GRM5: variants seen among roughly 807,000 people sequenced by gnomAD.
GRM5 encodes glutamate metabotropic receptor 5.
GRM5 carries 19 observed loss-of-function variants against 83.1 expected under a neutral mutation model. That is an observed-to-expected ratio of 0.23 (90% confidence interval 0.16 to 0.34). The LOEUF is 0.34. Among genes scored for constraint, GRM5 ranks in the 10% least tolerant of loss-of-function variants. The probability of loss-of-function intolerance (pLI) is 1.00; values close to 1 mark genes in which losing one functional copy is unlikely to be tolerated. For missense variants in GRM5, 1,160 were observed against 1,588.3 expected, an observed-to-expected ratio of 0.73 and a Z score of 4.58; for synonymous variants, 675 against 633.6, an observed-to-expected ratio of 1.07 and a Z score of -0.98.
chr11:88,578,204 C>A (rs557000643), intron 7 of GRM5, among the ~76,000 whole-genome samples: 1 of 152,126 alleles, frequency 6.6e-6, no homozygotes, highest in Non-Finnish European at 1.5e-5. Context: ...TTTTTCATCA[C>A]CTCAATTAAT....
At chr11:88,934,100 A>C (rs573934597) in intron 2 of GRM5, among the ~76,000 whole-genome samples, 15 of 151,852 alleles carry the variant, frequency 9.9e-5, no homozygotes, top group Non-Finnish European at 2.1e-4. Context: ...TTCATTTCAC[A>C]CTGCCACACA....
rs77572262 is a variant in GRM5, at chr11:88,525,372, G to A, written c.2663C>T (p.Ser888Leu). ...YKDRRLAQHK[S>L]EIECFTPKGS... ...TTTGGGGGTGAAACACTCTATTTCCGACTTGTGCTGGGCCAGTCTCCTGTC... is the reference window on the plus strand; with the variant it reads ...TTTGGGGGTGAAACACTCTATTTCCAACTTGTGCTGGGCCAGTCTCCTGTC... Residue 888 changes from serine (S) to leucine (L), a missense_variant, in exon 9 of 10, where the codon TCG becomes TTG. Transcript: ENST00000305447. The A allele has an allele frequency of 2.0e-4, 322 of 1,611,620 alleles. No individual in the cohort carries two copies. Among genetic ancestry groups the A allele is most frequent in the Non-Finnish European group, 2.3e-4 (276 of 1,177,954 alleles).
intron 3 of GRM5, among the ~76,000 whole-genome samples, chr11:88,809,618 A>G (rs576613374): frequency 6.6e-6 from 1 of 152,206 alleles, no homozygotes; most frequent in African/African-American, 2.4e-5. Context: ...TGGTAAAGAT[A>G]ATAAACATAC....
At chr11:88,599,465 G>T (rs1010436103) in intron 5 of GRM5, among the ~76,000 whole-genome samples, 1 of 152,134 alleles carries the variant, frequency 6.6e-6, no homozygotes, top group Non-Finnish European at 1.5e-5. Flanking sequence ...TAAAAATCTT[G>T]TTTTAGTACA....
At chr11:89,016,977 C>A (rs939087590) in intron 2 of GRM5, among the ~76,000 whole-genome samples, 2 of 152,104 alleles carry the variant, frequency 1.3e-5, no homozygotes, top group Non-Finnish European at 2.9e-5. Flanking sequence ...CTACCAAATA[C>A]AGGTAGCAAG....
intron 2 of GRM5, among the ~76,000 whole-genome samples, chr11:89,014,687 G>T (rs980902690): frequency 4.7e-4 from 71 of 152,150 alleles, no homozygotes; most frequent in African/African-American, 1.7e-3. Context: ...CAATTGGATT[G>T]TTTGTAACTC....
At chr11:88,860,542 A>C (rs902201115) in intron 2 of GRM5, among the ~76,000 whole-genome samples, 2 of 152,170 alleles carry the variant, frequency 1.3e-5, no homozygotes, top group Non-Finnish European at 1.5e-5. Context: ...CACCAGCTGA[A>C]GGCAGAAAAT....
At chr11:88,801,071 G>A (rs1943384535) in intron 3 of GRM5, among the ~76,000 whole-genome samples, 2 of 152,004 alleles carry the variant, frequency 1.3e-5, no homozygotes, top group South Asian at 4.2e-4. Context: ...ATTGTACTGG[G>A]GTAATGACAG....
intron 2 of GRM5, among the ~76,000 whole-genome samples, chr11:88,879,648 T>G (rs1346245051): frequency 6.6e-6 from 1 of 152,044 alleles, no homozygotes; most frequent in Admixed American, 6.6e-5. Flanking sequence ...CACCTTTCTG[T>G]ATTTATATGA....
At chr11:88,515,683 C>T (rs1941501348) in intron 9 of GRM5, among the ~76,000 whole-genome samples, 1 of 152,198 alleles carries the variant, frequency 6.6e-6, no homozygotes, top group Admixed American at 6.5e-5. Flanking sequence ...GATGTTTTAA[C>T]AGCGATTAGC....
At position 88,508,416 on chromosome 11, in the gene GRM5, T is replaced by C. The variant is rs201050093; in HGVS notation, c.*176A>G. On this transcript the variant is annotated 3_prime_UTR_variant, in exon 10 of 10. Transcript: ENST00000305447. The surrounding 1 kb of genome is among the most constrained non-coding windows in gnomAD (Gnocchi z 4.2). ...AGAAAATCTGCCAAAAGATTTGTCG[T>C]CGGTTTCTTCGTCGGTTGTCATGAG... is the stretch of plus-strand genomic sequence containing the variant. 18 of 494,720 alleles carry C rather than the reference T, an allele frequency of 3.6e-5. No individual in the cohort carries two copies. The highest frequency in any genetic ancestry group is 5.3e-5 in the Non-Finnish European group (15 of 284,520). 30.6% of individuals were successfully genotyped at this position (494,720 alleles called of 1,614,324 possible).
intron 3 of GRM5, among the ~76,000 whole-genome samples, chr11:88,796,615 A>G (rs751934584): frequency 1.2e-4 from 19 of 152,150 alleles, no homozygotes; most frequent in Non-Finnish European, 2.4e-4. Context: ...AAGTGCCATG[A>G]TATTTTCATG....
chr11:88,801,927 G>A (rs1459583571), intron 3 of GRM5, among the ~76,000 whole-genome samples: 1 of 152,002 alleles, frequency 6.6e-6, no homozygotes, highest in Non-Finnish European at 1.5e-5. Context: ...CCCTTTTCTG[G>A]TTACACCCAT....
intron 8 of GRM5, among the ~76,000 whole-genome samples, chr11:88,548,780 G>A (rs1399523176): frequency 6.6e-6 from 1 of 152,126 alleles, no homozygotes; most frequent in East Asian, 1.9e-4. Context: ...TTATTCTCTT[G>A]GAAAATGAAC....
chr11:88,795,507 C>G (rs1407584216), intron 3 of GRM5, among the ~76,000 whole-genome samples: 1 of 152,160 alleles, frequency 6.6e-6, no homozygotes, highest in African/African-American at 2.4e-5. Flanking sequence ...GAAAGGATTG[C>G]TTTCCATTTG....
At chr11:88,795,419 A>G (rs548968423) in intron 3 of GRM5, among the ~76,000 whole-genome samples, 25 of 152,318 alleles carry the variant, frequency 1.6e-4, no homozygotes, top group African/African-American at 5.8e-4. Flanking sequence ...GTTGGAAGAG[A>G]AGGGAAAATA....
intron 3 of GRM5, among the ~76,000 whole-genome samples, chr11:88,727,454 C>T (rs1325201693): frequency 1.3e-5 from 2 of 152,166 alleles, no homozygotes; most frequent in Non-Finnish European, 2.9e-5. Context: ...TTTAACACTG[C>T]ACTGTCAATA....
At chr11:89,017,865 C>A (rs1388666658) in intron 2 of GRM5, among the ~76,000 whole-genome samples, 2 of 152,056 alleles carry the variant, frequency 1.3e-5, no homozygotes, top group East Asian at 1.9e-4. Flanking sequence ...ATAAGTGACC[C>A]AAGCATTTAG....
At chr11:89,041,554 A>G (rs1036681997) in intron 2 of GRM5, among the ~76,000 whole-genome samples, 1 of 152,150 alleles carries the variant, frequency 6.6e-6, no homozygotes, top group African/African-American at 2.4e-5. Flanking sequence ...CAAGCTCTAT[A>G]TTTTTCTCTG....
Sources: allele counts gnomAD v4.1 joint callset (sites outside exome capture counted in the v4.1 genomes callset), GRCh38; gene constraint gnomAD v4.1.1; non-coding constraint Gnocchi (gnomAD v3.1); transcripts MANE v1.5; gene names NCBI Gene and HGNC (gene_info 2026-07-23, HGNC 2026-07-21).